SYNPO2: variants seen among roughly 807,000 people sequenced by gnomAD.
The protein encoded by SYNPO2 is synaptopodin 2, also known as synaptopodin-2.
Under a neutral mutation model 85.0 loss-of-function variants are expected in SYNPO2, and 56 were observed. The observed-to-expected ratio is 0.66, with a 90% CI of 0.53 to 0.82. SYNPO2 has a LOEUF of 0.82. Ranked by LOEUF, SYNPO2 falls within the 40% of genes least tolerant of loss-of-function variation. SYNPO2 has a pLI of 0.00. For synonymous variants in SYNPO2, 602 were observed against 591.1 expected, an observed-to-expected ratio of 1.02 and a Z score of -0.27; for missense variants, 1,575 against 1,534.2, an observed-to-expected ratio of 1.03 and a Z score of -0.44.
intron 1 of SYNPO2, chr4:119,006,264 A>G (rs996881195): frequency 3.3e-5 from 5 of 152,374 alleles, no homozygotes; most frequent in Non-Finnish European, 7.3e-5. Context: ...TGTTGGAGGA[A>G]AAGAAAGCAC....
chr4:118,976,889 G>T (rs1233850405), intron 1 of SYNPO2, among the ~76,000 whole-genome samples: 1 of 152,180 alleles, frequency 6.6e-6, no homozygotes, highest in Non-Finnish European at 1.5e-5. Context: ...CAAACCTTGA[G>T]CTAAACACAG....
chr4:118,940,766 G>A (rs1734282355), intron 1 of SYNPO2, among the ~76,000 whole-genome samples: 1 of 152,188 alleles, frequency 6.6e-6, no homozygotes, highest in Non-Finnish European at 1.5e-5. Context: ...CACTGACAGA[G>A]TGAGGCTGGG....
intron 4 of SYNPO2, among the ~76,000 whole-genome samples, chr4:119,052,530 C>A (rs1298414473): frequency 1.3e-5 from 2 of 152,172 alleles, no homozygotes; most frequent in African/African-American, 4.8e-5. Flanking sequence ...TAAAAACTTT[C>A]TTCTCCTCTT....
intron 1 of SYNPO2, among the ~76,000 whole-genome samples, chr4:119,023,150 T>G (rs1038631992): frequency 1.3e-5 from 2 of 152,258 alleles, no homozygotes; most frequent in African/African-American, 2.4e-5. Context: ...TTTATTTCTT[T>G]AATTCTGTCT....
intron 1 of SYNPO2, among the ~76,000 whole-genome samples, chr4:118,949,023 T>G (rs1009920709): frequency 3.2e-4 from 48 of 152,138 alleles, no homozygotes; most frequent in African/African-American, 1.2e-3. Context: ...AATCTCTGAG[T>G]AGGGCCTTGG....
intron 4 of SYNPO2, among the ~76,000 whole-genome samples, chr4:119,039,925 A>T (rs1266950466): frequency 1.3e-5 from 2 of 152,212 alleles, no homozygotes; most frequent in African/African-American, 4.8e-5. Context: ...ATTGGTAGTG[A>T]TTAAGAGTGT....
intron 1 of SYNPO2, among the ~76,000 whole-genome samples, chr4:118,983,269 G>A (rs941758283): frequency 2.6e-5 from 4 of 151,632 alleles, no homozygotes; most frequent in Non-Finnish European, 5.9e-5. Flanking sequence ...CTTTTCCTCT[G>A]TACTTAATGG....
At chr4:118,903,230 A>C (rs1198098639) in intron 1 of SYNPO2, among the ~76,000 whole-genome samples, 1 of 152,190 alleles carries the variant, frequency 6.6e-6, no homozygotes, top group African/African-American at 2.4e-5. Flanking sequence ...TTTCCTTGAA[A>C]CTAGATAATT....
At chr4:118,878,136 A>G (rs1404853840) in intron 1 of SYNPO2, among the ~76,000 whole-genome samples, 3 of 152,344 alleles carry the variant, frequency 2.0e-5, no homozygotes, top group Admixed American at 2.0e-4. Flanking sequence ...GTTCTCGTTT[A>G]TAAGTGGGAG....
At chr4:118,946,641 G>A (rs1014716521) in intron 1 of SYNPO2, among the ~76,000 whole-genome samples, 8 of 152,096 alleles carry the variant, frequency 5.3e-5, no homozygotes, top group Non-Finnish European at 7.4e-5. Context: ...TCCCTTTTAT[G>A]TTCTTTATTT....
intron 1 of SYNPO2, among the ~76,000 whole-genome samples, chr4:118,865,201 C>T (rs1203633312): frequency 3.9e-5 from 6 of 152,292 alleles, no homozygotes; most frequent in Admixed American, 2.6e-4. Context: ...GGAATAGCTA[C>T]GCACTGGAAT....
chr4:118,923,520 T>C (rs192109906), intron 1 of SYNPO2, among the ~76,000 whole-genome samples: 90 of 152,118 alleles, frequency 5.9e-4, no homozygotes, highest in African/African-American at 2.1e-3. Flanking sequence ...ATAACAAACC[T>C]GCACATGTAC....
chr4:119,028,987 C>A (rs1398603354), intron 3 of SYNPO2, among the ~76,000 whole-genome samples: 1 of 151,428 alleles, frequency 6.6e-6, no homozygotes, highest in Non-Finnish European at 1.5e-5. Flanking sequence ...AAATCATATT[C>A]TTGTTTTAAA....
intron 4 of SYNPO2, among the ~76,000 whole-genome samples, chr4:119,040,056 A>G (rs942333322): frequency 1.3e-5 from 2 of 152,222 alleles, no homozygotes; most frequent in Non-Finnish European, 2.9e-5. Flanking sequence ...AACGAAGACA[A>G]TAATAGGTGT....
At chr4:118,880,718 G>A (rs988442227) in intron 1 of SYNPO2, among the ~76,000 whole-genome samples, 2 of 145,944 alleles carry the variant, frequency 1.4e-5, no homozygotes, top group African/African-American at 5.1e-5. Flanking sequence ...CTGCACTCCA[G>A]CCTGGGCGAC....
Position 119,030,093 on chromosome 4 carries a change from G to A in SYNPO2, c.1318G>A (p.Ala440Thr). ...EDTCEVAFLG[A>T]SESEVDEELL... ...TACATGTGAAGTAGCATTTCTTGGT[G>A]CAAGCGAATCAGAGGTGGATGAAGA... Residue 440 changes from alanine to threonine, a missense_variant, in exon 4 of 5, where the codon GCA (alanine) becomes ACA (threonine). Ala to Thr is a moderately conservative substitution (Grantham distance 58). Transcript: ENST00000307142. The A allele has an allele frequency of 2.5e-6, 4 of 1,614,126 alleles. No individual in the cohort carries two copies. Among genetic ancestry groups the A allele is most frequent in the Non-Finnish European group, 3.4e-6 (4 of 1,180,034 alleles).
At chr4:119,015,538 A>T (rs1560982147) in intron 1 of SYNPO2, among the ~76,000 whole-genome samples, 1 of 152,306 alleles carries the variant, frequency 6.6e-6, no homozygotes, top group East Asian at 1.9e-4. Context: ...AAAGCAATAC[A>T]AGCAAGGTAT....
At chr4:118,854,965 A>G (rs1265731535) in intron 1 of SYNPO2, among the ~76,000 whole-genome samples, 1 of 152,142 alleles carries the variant, frequency 6.6e-6, no homozygotes, top group Non-Finnish European at 1.5e-5. Flanking sequence ...AATGGAGCTA[A>G]GTGTTATATG....
At chr4:118,871,589 G>A (rs1278108754) in intron 1 of SYNPO2, among the ~76,000 whole-genome samples, 3 of 130,634 alleles carry the variant, frequency 2.3e-5, no homozygotes, top group Non-Finnish European at 4.9e-5. Context: ...TTTTTTTTGA[G>A]ACAGTGTCTT....
Sources: gnomAD v4.1 joint callset for allele counts (sites outside exome capture counted in the v4.1 genomes callset) on GRCh38, gnomAD v4.1.1 for gene constraint, MANE v1.5 for transcripts, NCBI Gene and HGNC (gene_info 2026-07-23, HGNC 2026-07-21) for gene names.